VDAC1: variants seen among roughly 807,000 people sequenced by gnomAD.
The protein encoded by VDAC1 is voltage dependent anion channel 1.
Under a neutral mutation model 34.7 loss-of-function variants are expected in VDAC1, and 10 were observed. The observed-to-expected ratio is 0.29, with a 90% CI of 0.18 to 0.49. The LOEUF (loss-of-function observed/expected upper bound fraction) is 0.49. Among genes scored for constraint, VDAC1 ranks in the 20% least tolerant of loss-of-function variants. VDAC1 has a pLI of 0.99. For synonymous variants in VDAC1, 130 were observed against 136.0 expected (o/e 0.96, Z 0.30); for missense variants, 230 against 347.9 (o/e 0.66, Z 2.69).
the VDAC1 span, among the ~76,000 whole-genome samples, chr5:134,043,461 C>T: frequency 9.8e-5 from 15 of 152,304 alleles, 1 homozygote; most frequent in South Asian, 2.7e-3. Context: ...TAAGAGGTGG[C>T]TGGAAAGGAC....
At chr5:133,977,194 G>A (rs1046245012) in intron 6 of VDAC1, among the ~76,000 whole-genome samples, 2 of 152,240 alleles carry the variant, frequency 1.3e-5, no homozygotes, top group Non-Finnish European at 2.9e-5. Flanking sequence ...CACTGCTGGG[G>A]AGATACAGTT....
intron 1 of VDAC1, among the ~76,000 whole-genome samples, chr5:134,004,106 C>T (rs2127038201): frequency 6.6e-6 from 1 of 152,310 alleles, no homozygotes; most frequent in East Asian, 1.9e-4. Flanking sequence ...CGGGCGGTGC[C>T]GGGCGCCAGC....
At chr5:134,024,845 C>G in the VDAC1 span, among the ~76,000 whole-genome samples, 1 of 152,226 alleles carries the variant, frequency 6.6e-6, no homozygotes, top group Non-Finnish European at 1.5e-5. Context: ...TCCAATTATT[C>G]TGCTGGAGAG....
intron 1 of VDAC1, among the ~76,000 whole-genome samples, chr5:133,997,740 G>A (rs1205372164): frequency 6.7e-6 from 1 of 149,596 alleles, no homozygotes; most frequent in African/African-American, 2.5e-5. Flanking sequence ...GAATAAGGTG[G>A]ATGTATGTGG....
the VDAC1 span, among the ~76,000 whole-genome samples, chr5:134,103,120 T>TTTTA: frequency 3.9e-5 from 6 of 152,050 alleles, no homozygotes; most frequent in Non-Finnish European, 7.4e-5. Context: ...GGTGTCATTC[T>TTTTA]TTTATTTATT....
chr5:134,100,602 G>T, the VDAC1 span, among the ~76,000 whole-genome samples: 1 of 152,160 alleles, frequency 6.6e-6, no homozygotes, highest in South Asian at 2.1e-4. Flanking sequence ...GCAAAACAAG[G>T]TACTTTCACA....
At chr5:134,085,722 TAAAAAAAAAAAAAAA>T in the VDAC1 span, among the ~76,000 whole-genome samples, 33 of 44,226 alleles carry the variant, frequency 7.5e-4, 1 homozygote, top group Non-Finnish European at 4.1e-4. Flanking sequence ...ACCCCATTTC[TAAAAAAAAAAAAAAA>T]AAAAAAAAAA....
the VDAC1 span, among the ~76,000 whole-genome samples, chr5:134,010,992 C>G: frequency 6.7e-6 from 1 of 149,606 alleles, no homozygotes; most frequent in East Asian, 1.9e-4. Flanking sequence ...TGTAGGGGCA[C>G]TTAAGATCTA....
At chr5:134,021,937 G>T in the VDAC1 span, among the ~76,000 whole-genome samples, 14 of 150,724 alleles carry the variant, frequency 9.3e-5, 1 homozygote, top group Admixed American at 7.3e-4. Context: ...GAGTGCAATG[G>T]CATGATCTTG....
At chr5:134,071,399 CCAG>C in the VDAC1 span, among the ~76,000 whole-genome samples, 1 of 152,316 alleles carries the variant, frequency 6.6e-6, no homozygotes, top group African/African-American at 2.4e-5. The surrounding 1 kb of genome is among the most constrained non-coding windows in gnomAD (Gnocchi z 4.1). Context: ...CCCAGCCGCG[CCAG>C]CTGTGCAGGT....
At chr5:134,017,014 T>C in the VDAC1 span, among the ~76,000 whole-genome samples, 1 of 152,230 alleles carries the variant, frequency 6.6e-6, no homozygotes, top group Non-Finnish European at 1.5e-5. Flanking sequence ...GGGCATGTTC[T>C]TCCCAGATGG....
chr5:134,063,995 ATTT>A, the VDAC1 span, among the ~76,000 whole-genome samples: 17 of 86,516 alleles, frequency 2.0e-4, no homozygotes, highest in Middle Eastern at 6.0e-3. Flanking sequence ...ACCTGTACTA[ATTT>A]TTTTTTTTTT....
the VDAC1 span, among the ~76,000 whole-genome samples, chr5:134,038,925 C>T: frequency 3.6e-5 from 5 of 139,802 alleles, no homozygotes; most frequent in African/African-American, 1.4e-4. Context: ...GAGATAGACA[C>T]AAAATGGGCC....
the VDAC1 span, among the ~76,000 whole-genome samples, chr5:134,111,937 A>C: frequency 0.02 from 2,972 of 152,282 alleles, 98 homozygotes; most frequent in African/African-American, 0.065. Flanking sequence ...ACGAGTCCCT[A>C]TGTCACAGGG....
At chr5:133,982,225 C>T (rs1752723296) in intron 5 of VDAC1, among the ~76,000 whole-genome samples, 2 of 152,132 alleles carry the variant, frequency 1.3e-5, no homozygotes, top group East Asian at 1.9e-4. Context: ...ATTATAATGA[C>T]ACTCGGGGCC....
chr5:134,022,674 G>C, the VDAC1 span, among the ~76,000 whole-genome samples: 3 of 152,216 alleles, frequency 2.0e-5, no homozygotes, highest in Admixed American at 6.5e-5. Context: ...TGAGCACTAC[G>C]AGGATGGGGG....
chr5:133,987,173 CA>C (rs1307107505), intron 5 of VDAC1, among the ~76,000 whole-genome samples: 1 of 151,338 alleles, frequency 6.6e-6, no homozygotes, highest in Non-Finnish European at 1.5e-5. Context: ...CCAGACTGAG[CA>C]ACATGGTGAA....
chr5:134,002,373 G>A (rs941317215), intron 1 of VDAC1, among the ~76,000 whole-genome samples: 3 of 152,132 alleles, frequency 2.0e-5, no homozygotes, highest in African/African-American at 4.8e-5. Context: ...ACTACCCACA[G>A]GCAGGCACCC....
chr5:134,055,371 G>C, the VDAC1 span, among the ~76,000 whole-genome samples: 2 of 152,144 alleles, frequency 1.3e-5, no homozygotes, highest in Non-Finnish European at 2.9e-5. Context: ...ACATGTACAT[G>C]CATTCTGGTC....
Sources: allele counts gnomAD v4.1 joint callset (sites outside exome capture counted in the v4.1 genomes callset), GRCh38; gene constraint gnomAD v4.1.1; non-coding constraint Gnocchi (gnomAD v3.1); transcripts MANE v1.5; gene names NCBI Gene and HGNC (gene_info 2026-07-23, HGNC 2026-07-21).